Variants in KCND2 observed in about 807,000 individuals in gnomAD.
KCND2 encodes A-type voltage-gated potassium channel KCND2.
A neutral mutation model predicts 54.4 loss-of-function variants in KCND2; 16 were observed. The ratio of observed to expected loss-of-function variants is 0.29; its 90% confidence interval spans 0.20 to 0.45. The LOEUF is 0.45. Among genes scored for constraint, KCND2 ranks in the 20% least tolerant of loss-of-function variants. The pLI, the probability that KCND2 is intolerant of heterozygous loss-of-function variation, is 1.00. For missense variants in KCND2, 486 were observed against 824.2 expected (o/e 0.59, Z 5.02); for synonymous variants, 317 against 310.7 (o/e 1.02, Z -0.21).
chr7:120,306,728 A>G (rs1025734437), intron 1 of KCND2, among the ~76,000 whole-genome samples: 1 of 151,976 alleles, frequency 6.6e-6, no homozygotes, highest in African/African-American at 2.4e-5. Context: ...CTATACCGTT[A>G]TCATATTTCT....
chr7:120,359,612 G>A (rs1380816927), intron 1 of KCND2, among the ~76,000 whole-genome samples: 1 of 152,120 alleles, frequency 6.6e-6, no homozygotes, highest in African/African-American at 2.4e-5. Flanking sequence ...TAAGAAGGTA[G>A]ACTGTAAGAA....
intron 1 of KCND2, among the ~76,000 whole-genome samples, chr7:120,619,733 G>A (rs975057045): frequency 6.6e-6 from 1 of 152,242 alleles, no homozygotes; most frequent in Admixed American, 6.5e-5. Context: ...CAATGGCAAC[G>A]GAAATGAAAC....
At chr7:120,746,066 T>C in intron 5 of KCND2, 39 bp downstream of exon 5, 1 of 1,606,060 alleles carries the variant, frequency 6.2e-7, no homozygotes, top group Non-Finnish European at 8.5e-7. Context: ...ACACCTGTGC[T>C]GGTTCCCAGG....
chr7:120,577,115 C>G (rs921339409), intron 1 of KCND2, among the ~76,000 whole-genome samples: 29 of 151,814 alleles, frequency 1.9e-4, no homozygotes, highest in African/African-American at 6.8e-4. Flanking sequence ...CCACTGCACT[C>G]CAGCCTGGAC....
chr7:120,606,278 T>C (rs1042349180), intron 1 of KCND2, among the ~76,000 whole-genome samples: 1 of 152,136 alleles, frequency 6.6e-6, no homozygotes, highest in African/African-American at 2.4e-5. Flanking sequence ...AAGTGTTGTC[T>C]GTATATTCAA....
chr7:120,473,560 C>T (rs1802490234), intron 1 of KCND2, among the ~76,000 whole-genome samples: 2 of 152,136 alleles, frequency 1.3e-5, no homozygotes, highest in Admixed American at 1.3e-4. Context: ...ATTCTTGTGT[C>T]AGGATAGCAA....
chr7:120,677,566 T>TAG (rs369349008), intron 1 of KCND2, among the ~76,000 whole-genome samples: 7 of 124,700 alleles, frequency 5.6e-5, no homozygotes, highest in Admixed American at 7.6e-5. Context: ...GATATATAGA[T>TAG]ATATAGATAT....
At chr7:120,710,015 C>G (rs145073734) in intron 1 of KCND2, among the ~76,000 whole-genome samples, 331 of 152,284 alleles carry the variant, frequency 2.2e-3, no homozygotes, top group African/African-American at 7.4e-3. Flanking sequence ...GACCATTAAA[C>G]CAAGCATGAG....
intron 1 of KCND2, among the ~76,000 whole-genome samples, chr7:120,325,750 A>T (rs539573495): frequency 6.6e-6 from 1 of 152,260 alleles, no homozygotes; most frequent in African/African-American, 2.4e-5. Context: ...TATTTTAAAA[A>T]TAGAACCAGC....
At chr7:120,657,043 A>G (rs1791811467) in intron 1 of KCND2, among the ~76,000 whole-genome samples, 1 of 152,150 alleles carries the variant, frequency 6.6e-6, no homozygotes, top group Admixed American at 6.6e-5. Flanking sequence ...TAGCTTTGTA[A>G]CAGAACTTGC....
At chr7:120,376,506 A>G (rs1800836793) in intron 1 of KCND2, among the ~76,000 whole-genome samples, 1 of 150,186 alleles carries the variant, frequency 6.7e-6, no homozygotes, top group African/African-American at 2.5e-5. Context: ...ACATAGGCAC[A>G]AAATAGAAAT....
chr7:120,447,364 A>G (rs1802031432), intron 1 of KCND2, among the ~76,000 whole-genome samples: 1 of 151,706 alleles, frequency 6.6e-6, no homozygotes, highest in African/African-American at 2.4e-5. Flanking sequence ...GAAAAAAAAA[A>G]AGAAAAAAAA....
At chr7:120,499,438 C>T (rs1802899460) in intron 1 of KCND2, among the ~76,000 whole-genome samples, 1 of 152,134 alleles carries the variant, frequency 6.6e-6, no homozygotes, top group Non-Finnish European at 1.5e-5. Flanking sequence ...AACAACAAGA[C>T]ATTTTATTTC....
At chr7:120,446,491 G>A (rs1252813039) in intron 1 of KCND2, among the ~76,000 whole-genome samples, 2 of 151,938 alleles carry the variant, frequency 1.3e-5, no homozygotes, top group Non-Finnish European at 2.9e-5. Flanking sequence ...GTGTTGGAGT[G>A]TAATTGTTCC....
At chr7:120,636,837 A>T (rs1388120505) in intron 1 of KCND2, among the ~76,000 whole-genome samples, 4 of 152,166 alleles carry the variant, frequency 2.6e-5, no homozygotes, top group African/African-American at 7.2e-5. Flanking sequence ...TCTACAATCT[A>T]CCAAGTGATA....
At chr7:120,717,207 G>A (rs951936828) in intron 1 of KCND2, among the ~76,000 whole-genome samples, 4 of 152,084 alleles carry the variant, frequency 2.6e-5, no homozygotes, top group African/African-American at 9.7e-5. Context: ...TCATCAGAAG[G>A]AGGATCAAAT....
intron 1 of KCND2, among the ~76,000 whole-genome samples, chr7:120,376,595 C>T (rs953970139): frequency 8.6e-5 from 13 of 150,880 alleles, no homozygotes; most frequent in Non-Finnish European, 1.5e-4. Flanking sequence ...AATACATTTG[C>T]ATTCTATTAG....
chr7:120,573,152 G>C (rs1409902173), intron 1 of KCND2, among the ~76,000 whole-genome samples: 1 of 152,132 alleles, frequency 6.6e-6, no homozygotes, highest in African/African-American at 2.4e-5. Flanking sequence ...CGCTAAAACA[G>C]CAAGATTTGA....
chr7:120,288,014 T>A (rs79778637), intron 1 of KCND2, among the ~76,000 whole-genome samples: 4 of 152,154 alleles, frequency 2.6e-5, no homozygotes, highest in South Asian at 2.1e-4. Context: ...GTTTCAGAGA[T>A]AACAATCATT....
Sources: allele counts gnomAD v4.1 joint callset (sites outside exome capture counted in the v4.1 genomes callset), GRCh38; gene constraint gnomAD v4.1.1; transcripts MANE v1.5; gene names NCBI Gene and HGNC (gene_info 2026-07-23, HGNC 2026-07-21).